Variants in ITCH observed in about 807,000 individuals in gnomAD.
ITCH encodes the protein E3 ubiquitin-protein ligase Itchy homolog.
Under a neutral mutation model 126.8 loss-of-function variants are expected in ITCH, and 28 were observed. That is an observed-to-expected ratio of 0.22 (90% CI 0.16 to 0.30). ITCH has a LOEUF of 0.30. Ranked by LOEUF, ITCH falls within the 10% of genes least tolerant of loss-of-function variation. The pLI is 1.00. For missense variants in ITCH, 631 were observed against 1,032.4 expected (o/e 0.61, Z 5.33); for synonymous variants, 342 against 340.0 (o/e 1.01, Z -0.06).
intron 14 of ITCH, among the ~76,000 whole-genome samples, chr20:34,465,870 T>G (rs1284982100): frequency 6.6e-6 from 1 of 152,112 alleles, no homozygotes; most frequent in East Asian, 1.9e-4. Flanking sequence ...GTTTTCTTCT[T>G]CCCAATTTGG....
At chr20:34,371,417 G>A (rs1430435878) in intron 2 of ITCH, among the ~76,000 whole-genome samples, 2 of 150,822 alleles carry the variant, frequency 1.3e-5, no homozygotes, top group South Asian at 2.1e-4. Context: ...GCTGGGACTC[G>A]GGAGGCCAGG....
chr20:34,408,869 C>G (rs543606034), intron 4 of ITCH, 77 bp downstream of exon 4: 5 of 1,473,750 alleles, frequency 3.4e-6, no homozygotes, highest in Non-Finnish European at 4.7e-6. Context: ...AAATGTTTCT[C>G]ACTTTGGTTT....
chr20:34,432,263 T>C (rs1253959884), intron 7 of ITCH, among the ~76,000 whole-genome samples: 19 of 152,062 alleles, frequency 1.2e-4, no homozygotes, highest in Admixed American at 1.2e-3. Context: ...TAGAAGAAAA[T>C]ATGAATAGTT....
Position 34,459,665 on chromosome 20 carries a change from G to A in ITCH, c.1295+2191G>A, listed in dbSNP as rs539874325. Reference sequence around the variant, plus strand: ...TTAAAAACTTTTGTTCTGAAGGTATGGTTTAGGTTGCACTGAGCTGAGATC... The same window carrying A: ...TTAAAAACTTTTGTTCTGAAGGTATAGTTTAGGTTGCACTGAGCTGAGATC... On this transcript the variant is annotated intron_variant, in intron 13 of 24. Transcript: ENST00000374864. 3.9e-5 allele frequency among the ~76,000 whole-genome samples: 6 copies of A among 152,244 alleles called. No homozygotes were observed. The East Asian group carries it at 9.6e-4, about 24-fold the overall frequency.
chr20:34,461,615 A>G (rs1358066437), intron 13 of ITCH, among the ~76,000 whole-genome samples: 1 of 150,508 alleles, frequency 6.6e-6, no homozygotes, highest in Non-Finnish European at 1.5e-5. Flanking sequence ...AGGCTGAGGC[A>G]GGAGAATCGC....
At chr20:34,463,451 T>C (rs1376909537) in intron 14 of ITCH, among the ~76,000 whole-genome samples, 2 of 152,224 alleles carry the variant, frequency 1.3e-5, no homozygotes, top group Admixed American at 6.5e-5. Flanking sequence ...AGGGTTAGGG[T>C]TAGGATGACT....
At position 34,367,018 on chromosome 20, in the gene ITCH, T is replaced by A. The variant is rs2037446164; in HGVS notation, c.-98-2376T>A. On this transcript the variant is annotated intron_variant, in intron 1 of 24. Transcript: ENST00000374864. ...GATTTTTTTTTAGAGCTAATCTGGG[T>A]AAAGGGCTCCTTTTCTGTCAAAAGA... is the stretch of plus-strand genomic sequence containing the variant. 2.0e-5 allele frequency among the ~76,000 whole-genome samples: 3 copies of A among 152,152 alleles called. No individual in the cohort carries two copies. The South Asian group carries it at 6.2e-4, about 32-fold the overall frequency.
At chr20:34,500,107 C>G (rs1990155067) in intron 23 of ITCH, among the ~76,000 whole-genome samples, 1 of 152,016 alleles carries the variant, frequency 6.6e-6, no homozygotes, top group African/African-American at 2.4e-5. Context: ...TATGTGGTTT[C>G]CCCAGGAGAA....
rs911910816 is a variant in ITCH, at chr20:34,508,274, C to T, written c.*480C>T. On this transcript the variant is annotated 3_prime_UTR_variant, in exon 25 of 25. Transcript: ENST00000374864. ...TGAGCAAAATTCGGGCTTGTGTTCT[C>T]CCTCTCATTTTAGTCTGACTTGACT... 5.5e-6 allele frequency: 1 copy of T among 182,608 alleles called. No homozygotes were observed. The highest frequency in any genetic ancestry group is 1.2e-5 in the Non-Finnish European group (1 of 84,656). The allele number at this position is 182,608 out of a possible 1,614,324, so 11.3% of individuals were successfully genotyped here.
chr20:34,426,437 T>C (rs1163516597), intron 7 of ITCH, among the ~76,000 whole-genome samples: 2 of 152,200 alleles, frequency 1.3e-5, no homozygotes, highest in Non-Finnish European at 2.9e-5. Context: ...TGGGTTGTTT[T>C]TTTTTTGTTT....
chr20:34,363,932 C>G (rs1163644322), intron 1 of ITCH, among the ~76,000 whole-genome samples: 1 of 152,204 alleles, frequency 6.6e-6, no homozygotes, highest in Admixed American at 6.5e-5. Context: ...CCCTCCCCGA[C>G]GTCCGCCACC....
chr20:34,448,932 C>T (rs1347862097), intron 11 of ITCH, among the ~76,000 whole-genome samples: 1 of 152,152 alleles, frequency 6.6e-6, no homozygotes, highest in Non-Finnish European at 1.5e-5. Flanking sequence ...TTCCACTCAT[C>T]TGGCAGCCCA....
At chr20:34,364,890 CAAAAA>C (rs1234445956) in intron 1 of ITCH, among the ~76,000 whole-genome samples, 2 of 42,490 alleles carry the variant, frequency 4.7e-5, no homozygotes, top group African/African-American at 1.8e-4. Context: ...GACTCCGCCT[CAAAAA>C]AAAAAAAAAA....
chr20:34,402,000 G>C, intron 3 of ITCH: 1 of 567,842 alleles, frequency 1.8e-6, no homozygotes, highest in East Asian at 2.9e-5. Flanking sequence ...TATGGGCCTT[G>C]TCTCACATGA....
intron 12 of ITCH, among the ~76,000 whole-genome samples, chr20:34,449,973 G>T (rs1165104492): frequency 1.3e-5 from 2 of 152,148 alleles, no homozygotes; most frequent in Non-Finnish European, 2.9e-5. Context: ...GGGGTTTTAC[G>T]TGATGATGAT....
At chr20:34,466,252 TCCAGG>T in intron 14 of ITCH, 1 of 399,738 alleles carries the variant, frequency 2.5e-6, no homozygotes, top group African/African-American at 2.1e-5. Flanking sequence ...TTTTTTGCAT[TCCAGG>T]AATAAATCCT....
intron 7 of ITCH, among the ~76,000 whole-genome samples, chr20:34,425,093 G>T (rs1981320709): frequency 6.6e-6 from 1 of 152,222 alleles, no homozygotes; most frequent in African/African-American, 2.4e-5. Context: ...AAGAAAAATT[G>T]TTCTGCTTTG....
chr20:34,472,390 A>AG (rs11481823), intron 16 of ITCH, among the ~76,000 whole-genome samples: 62,706 of 145,796 alleles, frequency 0.43, 13,948 homozygotes, highest in Non-Finnish European at 0.48. Context: ...AAAAAAAAAA[A>AG]AAAAAAACTT....
chr20:34,488,700 G>A (rs767804192), intron 20 of ITCH, among the ~76,000 whole-genome samples: 4 of 151,826 alleles, frequency 2.6e-5, no homozygotes, highest in Non-Finnish European at 5.9e-5. Context: ...GTGACAGAGC[G>A]CGACCCTGTC....
Sources: allele counts gnomAD v4.1 joint callset (sites outside exome capture counted in the v4.1 genomes callset), GRCh38; gene constraint gnomAD v4.1.1; transcripts MANE v1.5; gene names NCBI Gene and HGNC (gene_info 2026-07-23, HGNC 2026-07-21).